Variants in ATP9B observed in about 807,000 individuals in gnomAD.
The protein encoded by ATP9B is probable phospholipid-transporting ATPase IIB.
In ATP9B, 110 loss-of-function variants were observed where a neutral mutation model predicts 146.1. The observed-to-expected ratio is 0.75, with a 90% CI of 0.65 to 0.88. ATP9B has a LOEUF of 0.88. Ranked by LOEUF, ATP9B falls within the 40% of genes least tolerant of loss-of-function variation. ATP9B has a pLI of 0.00. For missense variants in ATP9B, 1,499 were observed against 1,496.4 expected, an observed-to-expected ratio of 1.00 and a Z score of -0.03; for synonymous variants, 604 against 569.7, an observed-to-expected ratio of 1.06 and a Z score of -0.86.
At chr18:79,182,803 G>A (rs963668887) in intron 8 of ATP9B, among the ~76,000 whole-genome samples, 1 of 152,186 alleles carries the variant, frequency 6.6e-6, no homozygotes, top group South Asian at 2.1e-4. Context: ...TTGCTTGTTG[G>A]TAGGGATCTA....
chr18:79,185,514 A>G (rs2148048541), intron 8 of ATP9B, among the ~76,000 whole-genome samples: 1 of 152,358 alleles, frequency 6.6e-6, no homozygotes, highest in South Asian at 2.1e-4. Context: ...TGGTAAATGA[A>G]AACATTTTAA....
intron 7 of ATP9B, among the ~76,000 whole-genome samples, chr18:79,166,847 G>T (rs570570385): frequency 1.3e-5 from 2 of 152,146 alleles, no homozygotes; most frequent in South Asian, 2.1e-4. Context: ...TTGTGCTGCC[G>T]GCCCGGATCC....
intron 13 of ATP9B, among the ~76,000 whole-genome samples, chr18:79,280,254 A>G (rs543991897): frequency 3.5e-4 from 53 of 152,322 alleles, no homozygotes; most frequent in Middle Eastern, 3.4e-3. Flanking sequence ...GTTTATTTAT[A>G]TAAAGATAAA....
intron 27 of ATP9B, among the ~76,000 whole-genome samples, chr18:79,373,259 GA>G: frequency 6.6e-6 from 1 of 150,844 alleles, no homozygotes; most frequent in Non-Finnish European, 1.5e-5. Flanking sequence ...AGATAAATGG[GA>G]GATTGTTGCA....
At chr18:79,249,865 C>T (rs2096005799) in intron 11 of ATP9B, among the ~76,000 whole-genome samples, 1 of 152,112 alleles carries the variant, frequency 6.6e-6, no homozygotes, top group Non-Finnish European at 1.5e-5. Flanking sequence ...TAAAAGCAAC[C>T]TACAAGCTTT....
intron 1 of ATP9B, among the ~76,000 whole-genome samples, chr18:79,079,616 A>T (rs1369224663): frequency 6.6e-6 from 1 of 152,088 alleles, no homozygotes. Flanking sequence ...CTCTGATGGT[A>T]GTTTCTTTTG....
chr18:79,093,091 T>G (rs1468115100), intron 1 of ATP9B, among the ~76,000 whole-genome samples: 1 of 152,232 alleles, frequency 6.6e-6, no homozygotes. Flanking sequence ...ATGGCTGTGA[T>G]GTCACTAGGT....
At chr18:79,204,965 G>A (rs1028338691) in intron 9 of ATP9B, among the ~76,000 whole-genome samples, 1 of 152,008 alleles carries the variant, frequency 6.6e-6, no homozygotes, top group Non-Finnish European at 1.5e-5. Flanking sequence ...ACAATTCCCA[G>A]CATCATAGCC....
chr18:79,118,390 G>GTTTTTTTT lies in ATP9B; in HGVS notation c.558+5057_558+5064dup, dbSNP rs752788043. Among the ~76,000 whole-genome samples the GTTTTTTTT allele has an allele frequency of 1.5e-4, 14 of 93,272 alleles. 1 individual carries two copies. The highest frequency in any genetic ancestry group is 2.4e-4 in the Non-Finnish European group (11 of 46,056). 61.2% of individuals were successfully genotyped at this position (93,272 alleles called of 152,430 possible). ...AAACACAATCATATTGAACGTTTTT[G>GTTTTTTTT]TTTTTTTTTTTTTTTTTTTTTTTTT... On this transcript the variant is annotated intron_variant, in intron 4 of 29. Coordinates refer to ENST00000426216, the MANE Select transcript of ATP9B (RefSeq NM_198531.5).
At chr18:79,370,601 C>G (rs2097063640) in intron 26 of ATP9B, among the ~76,000 whole-genome samples, 2 of 152,080 alleles carry the variant, frequency 1.3e-5, no homozygotes, top group African/African-American at 4.8e-5. Flanking sequence ...AGTCTGGGAG[C>G]CATTAATAGG....
Position 79,297,369 on chromosome 18 carries a change from C to T in ATP9B, c.1412-6235C>T, listed in dbSNP as rs369448983. ...GACCCAGCCAGAGAGGAGACACAGACGACCCAGAGAGAAGACAGATGACCC... is the reference window on the plus strand; with the variant it reads ...GACCCAGCCAGAGAGGAGACACAGATGACCCAGAGAGAAGACAGATGACCC... On this transcript the variant is annotated intron_variant, in intron 13 of 29. Transcript: ENST00000426216. 2.5e-3 allele frequency among the ~76,000 whole-genome samples: 372 copies of T among 150,618 alleles called. 1 individual carries two copies. Among genetic ancestry groups the T allele is most frequent in the South Asian group, 6.5e-3 (31 of 4,738 alleles).
At chr18:79,228,810 A>G (rs1449526492) in intron 11 of ATP9B, among the ~76,000 whole-genome samples, 1 of 152,172 alleles carries the variant, frequency 6.6e-6, no homozygotes, top group East Asian at 1.9e-4. Context: ...AGATCACTTG[A>G]GGCAAGGAGT....
At chr18:79,131,468 A>G (rs2094377201) in intron 5 of ATP9B, among the ~76,000 whole-genome samples, 1 of 152,226 alleles carries the variant, frequency 6.6e-6, no homozygotes, top group Non-Finnish European at 1.5e-5. Flanking sequence ...GCAAATCTCT[A>G]TGAGACATCA....
intron 19 of ATP9B, among the ~76,000 whole-genome samples, chr18:79,338,005 T>C (rs2096837093): frequency 6.6e-6 from 1 of 152,166 alleles, no homozygotes; most frequent in Admixed American, 6.5e-5. Context: ...ACGTGTTCCA[T>C]GAGGACGGGA....
chr18:79,250,965 A>T (rs1283187369), intron 11 of ATP9B, among the ~76,000 whole-genome samples: 1 of 152,220 alleles, frequency 6.6e-6, no homozygotes, highest in African/African-American at 2.4e-5. Context: ...TCTTGGGAGA[A>T]TATAGAGCTG....
intron 4 of ATP9B, chr18:79,117,399 T>C (rs1402071900): frequency 2.0e-5 from 3 of 152,226 alleles, no homozygotes; most frequent in Admixed American, 6.5e-5. Flanking sequence ...ATGAAAGGGT[T>C]ATTCTATATG....
intron 13 of ATP9B, among the ~76,000 whole-genome samples, chr18:79,292,022 A>G (rs568421261): frequency 6.6e-6 from 1 of 152,320 alleles, no homozygotes; most frequent in African/African-American, 2.4e-5. Flanking sequence ...CTTCACTGGC[A>G]TATACTCTTT....
chr18:79,231,349 A>C (rs1420338861), intron 11 of ATP9B, among the ~76,000 whole-genome samples: 1 of 152,224 alleles, frequency 6.6e-6, no homozygotes, highest in Non-Finnish European at 1.5e-5. Flanking sequence ...TGAATGGACA[A>C]TTCTGAAAAG....
chr18:79,133,018 T>C (rs1035993260), intron 5 of ATP9B, among the ~76,000 whole-genome samples: 3 of 152,224 alleles, frequency 2.0e-5, no homozygotes, highest in African/African-American at 7.2e-5. Flanking sequence ...TATGTTGCTG[T>C]TACTTTACTT....
Sources: allele counts gnomAD v4.1 joint callset (sites outside exome capture counted in the v4.1 genomes callset), GRCh38; gene constraint gnomAD v4.1.1; transcripts MANE v1.5; gene names NCBI Gene and HGNC (gene_info 2026-07-23, HGNC 2026-07-21).